The following FH variants were observed in gnomAD, a reference collection of about 807,000 sequenced individuals.
The protein encoded by FH is fumarate hydratase, mitochondrial.
A neutral mutation model predicts 49.4 loss-of-function variants in FH; 22 were observed. The observed-to-expected ratio is 0.45, with a 90% CI of 0.32 to 0.64. FH has a LOEUF of 0.64. Among genes scored for constraint, FH ranks in the 30% least tolerant of loss-of-function variants. FH has a pLI of 0.05. For synonymous variants in FH, 208 were observed against 223.0 expected, an observed-to-expected ratio of 0.93 and a Z score of 0.60; for missense variants, 526 against 641.5, an observed-to-expected ratio of 0.82 and a Z score of 1.95.
At position 241,519,736 on chromosome 1, in the gene FH, C is replaced by T. The variant is rs543556537; in HGVS notation, c.-14G>A. The stretch of plus-strand genomic sequence containing the variant: ...TGCTCGGTACATGGTGCTGAGGGAG[C>T]TTGGGTAGAATTTCTGGGCGGCTGT... On this transcript the variant is annotated 5_prime_UTR_variant, in exon 1 of 10. Transcript: ENST00000366560. 6.6e-7 allele frequency: 1 copy of T among 1,523,826 alleles called. No individual in the cohort carries two copies. Among genetic ancestry groups the T allele is most frequent in the Non-Finnish European group, 8.8e-7 (1 of 1,130,812 alleles). The allele number at this position is 1,523,826 out of a possible 1,614,324, so 94.4% of individuals were successfully genotyped here.
At chr1:241,507,302 A>G (rs1659955900) in intron 5 of FH, among the ~76,000 whole-genome samples, 1 of 152,196 alleles carries the variant, frequency 6.6e-6, no homozygotes, top group Admixed American at 6.5e-5. Context: ...GCCTAGGTGT[A>G]TAGAAGGCTA....
At chr1:241,498,031 A>C in intron 9 of FH, 61 bp from the exon 10 acceptor site, 1 of 1,552,420 alleles carries the variant, frequency 6.4e-7, no homozygotes, top group South Asian at 1.1e-5. Context: ...TCCTAAAGCA[A>C]AAGGTGACAT....
intron 2 of FH, among the ~76,000 whole-genome samples, chr1:241,516,865 A>C (rs1660229228): frequency 6.6e-6 from 1 of 151,602 alleles, no homozygotes; most frequent in South Asian, 2.1e-4. Flanking sequence ...GTTGGCCAGG[A>C]TGGTCTCGAT....
In FH at chr1:241,513,596, C is replaced by T. The variant is rs1486097527; in HGVS notation, c.378+7G>A. ...GTTATTAAGCAAACACACTTATCAC[C>T]TCCTACCTCATCTGCTGCCTTCATT... On this transcript the variant is annotated splice_region_variant and intron_variant, in intron 3 of 9. Coordinates refer to ENST00000366560, the MANE Select transcript of FH (RefSeq NM_000143.4). 1.2e-6 allele frequency: 2 copies of T among 1,604,642 alleles called. No homozygotes were observed. Among genetic ancestry groups the T allele is most frequent in the Non-Finnish European group, 1.7e-6 (2 of 1,171,406 alleles).
chr1:241,514,083 C>T (rs1039514629), intron 2 of FH, among the ~76,000 whole-genome samples: 1 of 152,020 alleles, frequency 6.6e-6, no homozygotes, highest in Non-Finnish European at 1.5e-5. Context: ...AAATTTAGTA[C>T]TCAATCTTTT....
chr1:241,517,319 A>G lies in FH; in HGVS notation c.133-3T>C, dbSNP rs1553341989. On this transcript the variant is annotated splice_polypyrimidine_tract_variant and splice_region_variant and intron_variant, in intron 1 of 9. Transcript: ENST00000366560. ...ATCCGGAAGGAATTTTGGCTTGCCT[A>G]AAGACAAGAATACAACACTATTACA... The G allele has an allele frequency of 1.2e-6, 2 of 1,613,898 alleles. No individual in the cohort carries two copies. Among genetic ancestry groups the G allele is most frequent in the African/African-American group, 1.3e-5 (1 of 74,948 alleles).
chr1:241,512,307 T>C (rs1045512339), intron 3 of FH, among the ~76,000 whole-genome samples, 164 bp from the exon 4 acceptor site: 33 of 152,200 alleles, frequency 2.2e-4, no homozygotes, highest in African/African-American at 8.0e-4. Flanking sequence ...GTGAATGGTA[T>C]GACAATTCAC....
At chr1:241,507,766 G>A (rs1659967244) in intron 5 of FH, among the ~76,000 whole-genome samples, 1 of 152,134 alleles carries the variant, frequency 6.6e-6, no homozygotes, top group Non-Finnish European at 1.5e-5. Context: ...AGAGAAATGA[G>A]ACACAGCCTT....
Position 241,512,089 on chromosome 1 carries a change from A to T in FH, c.433T>A (p.Ser145Thr). The T allele has an allele frequency of 6.2e-7, 1 of 1,613,906 alleles. No homozygotes were observed. The highest frequency in any genetic ancestry group is 8.5e-7 in the Non-Finnish European group (1 of 1,179,864). ...HFPLVVWQTG[S>T]GTQTNMNVNE... Reference sequence around the variant, plus strand: ...ACATTCATATTTGTCTGAGTTCCTGATCCAGTCTGCCATACCACGAGAGGA... The same window carrying T: ...ACATTCATATTTGTCTGAGTTCCTGTTCCAGTCTGCCATACCACGAGAGGA... The change falls in exon 4 of 10, where the codon TCA becomes ACA. Residue 145 changes from serine (S) to threonine (T), a missense_variant. Ser to Thr is a moderately conservative substitution (Grantham distance 58, BLOSUM62 1). Transcript: ENST00000366560.
chr1:241,513,692 C>T lies in FH; in HGVS notation c.289G>A (p.Gly97Ser). 6.2e-7 allele frequency: 1 copy of T among 1,613,886 alleles called. No homozygotes were observed. Among genetic ancestry groups the T allele is most frequent in the Non-Finnish European group, 8.5e-7 (1 of 1,179,856 alleles). ...TCAGCGGCCGCTCGCTTCAAGATGC[C>T]AAAAGCTTTAATAACTGGGGTCTAA... ...RMPTPVIKAF[G>S]ILKRAAAEVN... Residue 97 changes from glycine to serine, a missense_variant, in exon 3 of 10, where the codon GGC (glycine) becomes AGC (serine). By Grantham distance (56) the Gly-to-Ser change is moderately conservative (BLOSUM62 0). Transcript: ENST00000366560.
At chr1:241,505,104 T>C (rs1659879295) in intron 6 of FH, among the ~76,000 whole-genome samples, 1 of 151,806 alleles carries the variant, frequency 6.6e-6, no homozygotes, top group South Asian at 2.1e-4. Flanking sequence ...AGAGACAGGG[T>C]TTCGCCATGT....
chr1:241,518,787 G>A (rs1660287596), intron 1 of FH, among the ~76,000 whole-genome samples: 1 of 152,180 alleles, frequency 6.6e-6, no homozygotes, highest in Non-Finnish European at 1.5e-5. Context: ...TTAAAAGCCT[G>A]CATTCCTAAA....
intron 8 of FH, 106 bp downstream of exon 8, chr1:241,502,337 G>T: frequency 1.6e-6 from 2 of 1,281,678 alleles, no homozygotes; most frequent in South Asian, 1.2e-5. Flanking sequence ...TGCTACTTAT[G>T]TCACCCAACT....
Position 241,508,704 on chromosome 1 carries a change from T to C in FH, c.637A>G (p.Lys213Glu). 6.2e-7 allele frequency: 1 copy of C among 1,613,544 alleles called. No individual in the cohort carries two copies. The highest frequency in any genetic ancestry group is 1.1e-5 in the South Asian group (1 of 91,060). Residue 213 changes from lysine (K) to glutamate (E), a missense_variant, in exon 5 of 10, where the codon AAG (lysine) becomes GAG (glutamate). This residue lies in a region of FH where 383 missense variants were observed against 514.0 expected (regional missense o/e 0.75). Coordinates refer to ENST00000366560, the MANE Select transcript of FH (RefSeq NM_000143.4). ...TTTGCATCAAGAGCATCATGTAACT[T>C]CTGTAGTCCTGGTAACAGTACTTCA... ...VHEVLLPGLQ[K>E]LHDALDAKSK...
rs1573888522 is a variant in FH at position 241,517,278 on chromosome 1, A to G, written c.171T>C (p.Phe57=). Reference sequence around the variant, plus strand: ...TATCATTTGGCACCTTTAGTTCACCAAAGGTATCATATTCTATCCGGAAGG... The same window carrying G: ...TATCATTTGGCACCTTTAGTTCACCGAAGGTATCATATTCTATCCGGAAGG... The part of the protein sequence containing the change: ...QNSFRIEYDT[F]GELKVPNDKY... The change falls in exon 2 of 10, where the codon TTT becomes TTC. Residue 57 remains phenylalanine (F), a synonymous_variant. Coordinates refer to ENST00000366560, the MANE Select transcript of FH (RefSeq NM_000143.4). 1 of 1,614,186 alleles carries G rather than the reference A, an allele frequency of 6.2e-7. No homozygotes were observed. The highest frequency in any genetic ancestry group is 8.5e-7 in the Non-Finnish European group (1 of 1,180,028).
intron 1 of FH, among the ~76,000 whole-genome samples, chr1:241,518,550 C>T (rs1660281012): frequency 6.6e-6 from 1 of 152,168 alleles, no homozygotes; most frequent in South Asian, 2.1e-4. Context: ...AAAGTACTGG[C>T]CCTTTGAAAT....
chr1:241,515,186 A>C (rs1407409502), intron 2 of FH, among the ~76,000 whole-genome samples: 1 of 152,218 alleles, frequency 6.6e-6, no homozygotes, highest in Non-Finnish European at 1.5e-5. Context: ...TTTAGAGTAC[A>C]TACAGACTGT....
intron 6 of FH, among the ~76,000 whole-genome samples, chr1:241,505,446 T>C (rs1032207940): frequency 1.3e-5 from 2 of 152,176 alleles, no homozygotes; most frequent in Admixed American, 1.3e-4. Context: ...TCATGTGCAG[T>C]GTATAATTAT....
Position 241,508,762 on chromosome 1 carries a change from T to G in FH, c.579A>C (p.Thr193=). 1 of 1,613,836 alleles carries G rather than the reference T, an allele frequency of 6.2e-7. No individual in the cohort carries two copies. The highest frequency in any genetic ancestry group is 1.1e-5 in the South Asian group (1 of 91,068). The change falls in exon 5 of 10, where the codon ACA becomes ACC. Residue 193 remains threonine (T), a synonymous_variant. Transcript: ENST00000366560. ...CTATTGCAGCAGCAATGTGCATTGCTGTGGGAAAAGTATCATTTGAGCTCT... is the reference window on the plus strand; with the variant it reads ...CTATTGCAGCAGCAATGTGCATTGCGGTGGGAAAAGTATCATTTGAGCTCT... ...KSQSSNDTFP[T]AMHIAAAIEV... is the part of the protein sequence containing the mutation.
Sources: allele counts gnomAD v4.1 joint callset (sites outside exome capture counted in the v4.1 genomes callset), GRCh38; gene constraint gnomAD v4.1.1; regional missense constraint gnomAD v4.1.1; transcripts MANE v1.5; gene names NCBI Gene and HGNC (gene_info 2026-07-23, HGNC 2026-07-21).